Variants in ABCA2 observed in about 807,000 individuals in gnomAD.
ABCA2 encodes the protein ATP binding cassette subfamily A member 2.
In ABCA2, 84 loss-of-function variants were observed where a neutral mutation model predicts 262.8. That is an observed-to-expected ratio of 0.32 (90% CI 0.27 to 0.38). The LOEUF (loss-of-function observed/expected upper bound fraction) is 0.38. Ranked by LOEUF, ABCA2 falls within the 10% of genes least tolerant of loss-of-function variation. ABCA2 has a pLI of 1.00. For missense variants in ABCA2, 2,662 were observed against 3,405.9 expected (o/e 0.78, Z 5.44); for synonymous variants, 1,696 against 1,502.9 (o/e 1.13, Z -2.97).
chr9:137,014,069 G>T, intron 27 of ABCA2, 31 bp from the exon 28 acceptor site: 1 of 1,603,804 alleles, frequency 6.2e-7, no homozygotes, highest in Non-Finnish European at 8.5e-7. Context: ...TGAGCAGGTG[G>T]TTGCACGCTA....
Position 137,015,397 on chromosome 9 carries a change from G to C in ABCA2, c.3697+17C>G. 1 of 1,543,810 alleles carries C rather than the reference G, an allele frequency of 6.5e-7. No homozygotes were observed. The highest frequency in any genetic ancestry group is 8.7e-7 in the Non-Finnish European group (1 of 1,142,876). On this transcript the variant is annotated intron_variant, in intron 24 of 48. Transcript: ENST00000341511. ...AGAAGGTGGCCCGAAGCCAGCTCAG[G>C]CAGCTTCAACACAGACCTTGGGGGC...
At chr9:137,013,786 G>A (rs745460279) in intron 28 of ABCA2, 46 bp downstream of exon 28, 42 of 1,556,956 alleles carry the variant, frequency 2.7e-5, no homozygotes, top group East Asian at 1.2e-4. Context: ...CCCAGCGGGC[G>A]GTGGGGGGAG....
rs746164172 is a variant in ABCA2, at chr9:137,016,936, A to C, written c.2742T>G (p.Ile914Met). ...GGCCAGTACCTGGGTGCACAGCCTCAATGTACCACGTGAGGATGCCATAGA... is the reference window on the plus strand; with the variant it reads ...GGCCAGTACCTGGGTGCACAGCCTCCATGTACCACGTGAGGATGCCATAGA... ...AVVYGILTWY[I>M]EAVHPGMYGL... is the part of the protein sequence containing the mutation. Residue 914 changes from isoleucine (I) to methionine (M), a missense_variant, in exon 19 of 49, where the codon ATT becomes ATG. Ile to Met is a conservative substitution (Grantham distance 10). Transcript: ENST00000341511. 2.3e-5 allele frequency: 37 copies of C among 1,612,492 alleles called. No individual in the cohort carries two copies. Among genetic ancestry groups the C allele is most frequent in the Non-Finnish European group, 3.1e-5 (36 of 1,179,964 alleles).
chr9:137,013,721 A>C, intron 28 of ABCA2, 111 bp downstream of exon 28: 1 of 1,382,886 alleles, frequency 7.2e-7, no homozygotes, highest in Non-Finnish European at 9.9e-7. Flanking sequence ...GCCCAGCCTC[A>C]GGTGTGGGGT....
intron 28 of ABCA2, 112 bp downstream of exon 28, chr9:137,013,720 C>T: frequency 7.2e-7 from 1 of 1,389,342 alleles, no homozygotes; most frequent in Non-Finnish European, 9.8e-7. Context: ...TGCCCAGCCT[C>T]AGGTGTGGGG....
intron 40 of ABCA2, 57 bp from the exon 41 acceptor site, chr9:137,010,428 C>A: frequency 8.5e-7 from 1 of 1,176,426 alleles, no homozygotes; most frequent in South Asian, 1.4e-5. Flanking sequence ...GCCCCTCTGG[C>A]CCCACCCCAC....
chr9:137,015,771 C>T lies in ABCA2; in HGVS notation c.3418G>A (p.Gly1140Ser). 1 of 1,612,402 alleles carries T rather than the reference C, an allele frequency of 6.2e-7. No individual in the cohort carries two copies. Among genetic ancestry groups the T allele is most frequent in the African/African-American group, 1.3e-5 (1 of 75,062 alleles). ...RKLSVAIAFVGGSRAIILDEP... is the reference protein window; with the variant it reads ...RKLSVAIAFVSGSRAIILDEP... ...TCCAGGATGATGGCGCGAGAGCCGC[C>T]CACGAAGGCGATGGCCACGGACAGC... The change falls in exon 23 of 49, where the codon GGC becomes AGC. Residue 1140 changes from glycine (G) to serine (S), a missense_variant. Physicochemically the swap from Gly to Ser is moderately conservative, Grantham distance 56. Coordinates refer to ENST00000341511, the MANE Select transcript of ABCA2 (RefSeq NM_001606.5).
chr9:137,011,118 A>G lies in ABCA2; in HGVS notation c.5924-13T>C. On this transcript the variant is annotated splice_polypyrimidine_tract_variant and intron_variant, in intron 38 of 48. Coordinates refer to ENST00000341511, the MANE Select transcript of ABCA2 (RefSeq NM_001606.5). This position sits in a 1 kb window ranked among gnomAD's most constrained non-coding sequence, Gnocchi z 8.8. ...TTGTCAAACTGGCCTGCGGGGAGAC[A>G]GCTCAGGGCCTGTGCTCTGGGCCTT... 1 of 1,611,874 alleles carries G rather than the reference A, an allele frequency of 6.2e-7. No homozygotes were observed. The highest frequency in any genetic ancestry group is 8.5e-7 in the Non-Finnish European group (1 of 1,179,646).
At chr9:137,026,469 G>A (rs757421706) in intron 1 of ABCA2, among the ~76,000 whole-genome samples, 20 of 152,200 alleles carry the variant, frequency 1.3e-4, no homozygotes, top group Non-Finnish European at 2.1e-4. Context: ...CACATCACAA[G>A]CCTGGCAAGG....
chr9:137,010,187 C>T lies in ABCA2; in HGVS notation c.6353+6G>A, dbSNP rs1330347306. 1.3e-6 allele frequency: 2 copies of T among 1,599,980 alleles called. No individual in the cohort carries two copies. The highest frequency in any genetic ancestry group is 1.7e-6 in the Non-Finnish European group (2 of 1,177,546). On this transcript the variant is annotated splice_donor_region_variant and intron_variant, in intron 41 of 48. Coordinates refer to ENST00000341511, the MANE Select transcript of ABCA2 (RefSeq NM_001606.5). Reference sequence around the variant, plus strand: ...CGGCCCCGCCCACCCAGGGCTCCCGCCCCACCTGTGTCCATTGACGAAGGC... The same window carrying T: ...CGGCCCCGCCCACCCAGGGCTCCCGTCCCACCTGTGTCCATTGACGAAGGC...
In ABCA2 at chr9:137,013,127, G is replaced by A; in HGVS notation, c.4742C>T (p.Thr1581Ile). The A allele has an allele frequency of 6.3e-7, 1 of 1,597,070 alleles. No homozygotes were observed. Among genetic ancestry groups the A allele is most frequent in the Non-Finnish European group, 8.5e-7 (1 of 1,174,082 alleles). The part of the protein sequence containing the change: ...FFDSMCLESF[T>I]QGLPLSNFVP... ...GAAATTGGACAGTGGCAGCCCCTGT[G>A]TGAAGGACTCCAGACACATGCTGTC... Residue 1581 changes from threonine to isoleucine, a missense_variant, in exon 30 of 49, where the codon ACA becomes ATA. Physicochemically the swap from Thr to Ile is moderately conservative, Grantham distance 89. Coordinates refer to ENST00000341511, the MANE Select transcript of ABCA2 (RefSeq NM_001606.5).
chr9:137,011,244 G>A lies in ABCA2; in HGVS notation c.5865C>T (p.Gly1955=), dbSNP rs202000736. 8.9e-5 allele frequency: 143 copies of A among 1,612,452 alleles called. No homozygotes were observed. The highest frequency in any genetic ancestry group is 9.3e-6 in the Non-Finnish European group (11 of 1,179,872). Residue 1955 remains glycine, a synonymous_variant, in exon 38 of 49, where the codon GGC becomes GGT. Transcript: ENST00000341511. The surrounding 1 kb of genome is among the most constrained non-coding windows in gnomAD (Gnocchi z 8.8). ...CFLIFPNYNL[G]HGLMEMAYNE... is the part of the protein sequence containing the mutation. ...TGTAGGCCATCTCCATGAGCCCGTG[G>A]CCCAGGTTGTAGTTGGGGAAAATGA...
Position 137,020,887 on chromosome 9 carries a change from C to T in ABCA2, c.1072G>A (p.Gly358Arg), listed in dbSNP as rs759706083. ...PQGACTGRTPGPPASGAGGAA... is the reference protein window; with the variant it reads ...PQGACTGRTPRPPASGAGGAA... Reference sequence around the variant, plus strand: ...CCACCCGCACCACTGGCTGGGGGTCCGGGGGTCCGGCCAGTGCAGGCACCC... The same window carrying T: ...CCACCCGCACCACTGGCTGGGGGTCTGGGGGTCCGGCCAGTGCAGGCACCC... The change falls in exon 9 of 49, where the codon GGA becomes AGA. Residue 358 changes from glycine (G) to arginine (R), a missense_variant. By Grantham distance (125) the Gly-to-Arg change is moderately radical. Around this residue, in one of 12 missense-constraint regions of ABCA2, gnomAD observed 403 missense variants for 375.9 expected, o/e 1.07. Coordinates refer to ENST00000341511, the MANE Select transcript of ABCA2 (RefSeq NM_001606.5). The T allele has an allele frequency of 1.0e-4, 158 of 1,549,768 alleles. No individual in the cohort carries two copies. The highest frequency in any genetic ancestry group is 2.6e-4 in the Admixed American group (13 of 50,286).
chr9:137,008,341 C>G, intron 48 of ABCA2, 75 bp downstream of exon 48: 2 of 1,516,908 alleles, frequency 1.3e-6, no homozygotes, highest in Non-Finnish European at 1.8e-6. Context: ...CCCGACCCCA[C>G]CCGCGGCTGG....
chr9:137,010,605 A>G lies in ABCA2; in HGVS notation c.6174+15T>C, dbSNP rs199893892. 1,548 of 1,446,876 alleles carry G rather than the reference A, an allele frequency of 1.1e-3. 2 individuals are homozygous for G. Among genetic ancestry groups the G allele is most frequent in the Non-Finnish European group, 1.4e-3 (1,451 of 1,059,010 alleles). The allele number at this position is 1,446,876 out of a possible 1,614,324, so 89.6% of individuals were successfully genotyped here. The stretch of plus-strand genomic sequence containing the variant: ...CTACCCCACCCAGGCCCCACCCTAC[A>G]TGCCCAGAGCCCACCTTGGTCAGGT... On this transcript the variant is annotated intron_variant, in intron 40 of 48. Transcript: ENST00000341511.
At chr9:137,025,636 G>A (rs1389127410) in intron 1 of ABCA2, among the ~76,000 whole-genome samples, 2 of 152,244 alleles carry the variant, frequency 1.3e-5, no homozygotes, top group South Asian at 2.1e-4. Context: ...CCCAGGGTTC[G>A]CCAAGGCACT....
At chr9:137,015,319 G>T in intron 24 of ABCA2, 95 bp downstream of exon 24, 1 of 1,397,730 alleles carries the variant, frequency 7.2e-7, no homozygotes, top group South Asian at 1.4e-5. Context: ...CCCAGCGGGT[G>T]ACGGTGAGGG....
chr9:137,008,231 G>A, intron 48 of ABCA2, 185 bp downstream of exon 48: 3 of 836,586 alleles, frequency 3.6e-6, no homozygotes, highest in South Asian at 2.9e-5. Context: ...TAGCAAGTCT[G>A]GACCATGCAG....
At position 137,008,746 on chromosome 9, in the gene ABCA2, C is replaced by A; in HGVS notation, c.7053G>T (p.Gln2351His). ...VLGIEDYSVSQTTLDNVFVNF... is the reference protein window; with the variant it reads ...VLGIEDYSVSHTTLDNVFVNF... Reference sequence around the variant, plus strand: ...GGGCGCTCACATTGTCCAGTGTGGTCTGGCTGACCGAGTAGTCCTCGATGC... The same window carrying A: ...GGGCGCTCACATTGTCCAGTGTGGTATGGCTGACCGAGTAGTCCTCGATGC... The change falls in exon 47 of 49, where the codon CAG becomes CAT. Residue 2351 changes from glutamine to histidine, a missense_variant. Physicochemically the swap from Gln to His is conservative, Grantham distance 24. Transcript: ENST00000341511. The A allele has an allele frequency of 6.3e-7, 1 of 1,583,820 alleles. No individual in the cohort carries two copies. The highest frequency in any genetic ancestry group is 8.6e-7 in the Non-Finnish European group (1 of 1,166,284).
Sources: gnomAD v4.1 joint callset for allele counts (sites outside exome capture counted in the v4.1 genomes callset) on GRCh38, gnomAD v4.1.1 for gene constraint, gnomAD v4.1.1 regional missense constraint, Gnocchi (gnomAD v3.1) non-coding constraint, MANE v1.5 for transcripts, NCBI Gene and HGNC (gene_info 2026-07-23, HGNC 2026-07-21) for gene names.